The following ABL1 variants were observed in gnomAD, a reference collection of about 807,000 sequenced individuals.
The protein encoded by ABL1 is tyrosine-protein kinase ABL1.
In ABL1, 11 loss-of-function variants were observed where a neutral mutation model predicts 94.7. That is an observed-to-expected ratio of 0.12 (90% CI 0.07 to 0.19). The LOEUF is 0.19. ABL1 is among the 10% of genes least tolerant of loss of function. ABL1 has a pLI of 1.00. For missense variants in ABL1, 1,082 were observed against 1,489.4 expected (o/e 0.73, Z 4.50); for synonymous variants, 656 against 622.4 (o/e 1.05, Z -0.80).
At chr9:130,815,851 C>G (rs1032014802) in intron 1 of ABL1, among the ~76,000 whole-genome samples, 38 of 151,952 alleles carry the variant, frequency 2.5e-4, no homozygotes, top group African/African-American at 8.4e-4. Flanking sequence ...GTGAAACCCC[C>G]TCTCTACTAA....
intron 7 of ABL1, among the ~76,000 whole-genome samples, chr9:130,876,560 GGTGCCT>G (rs1393763146): frequency 6.6e-6 from 1 of 151,336 alleles, no homozygotes; most frequent in Non-Finnish European, 1.5e-5. Flanking sequence ...TGGGATTACA[GGTGCCT>G]GCCACCACGC....
At chr9:130,855,585 C>T (rs766441785) in intron 3 of ABL1, among the ~76,000 whole-genome samples, 1 of 152,098 alleles carries the variant, frequency 6.6e-6, no homozygotes, top group Non-Finnish European at 1.5e-5. Context: ...CGTGCATACA[C>T]GCATGCAGTT....
In ABL1 at chr9:130,886,747, GTTC is replaced by G. The variant is rs998295383; in HGVS notation, c.*1067_*1069del. On this transcript the variant is annotated 3_prime_UTR_variant, in exon 11 of 11. Transcript: ENST00000318560. ...AACAAGACAGCCTTCACTTTTCTGA[GTTC>G]TTGAAGCATTTCAAAGCCCTGCCTC... 10 of 233,614 alleles carry G rather than the reference GTTC, an allele frequency of 4.3e-5. No individual in the cohort carries two copies. Among genetic ancestry groups the G allele is most frequent in the African/African-American group, 2.2e-4 (10 of 45,466 alleles). The allele number at this position is 233,614 out of a possible 1,614,324, so 14.5% of individuals were successfully genotyped here.
At chr9:130,718,619 G>T (rs888530199) in intron 1 of ABL1, among the ~76,000 whole-genome samples, 1 of 152,152 alleles carries the variant, frequency 6.6e-6, no homozygotes, top group African/African-American at 2.4e-5. Context: ...TGTGGCTTAT[G>T]CCTGTAATTT....
intron 1 of ABL1, among the ~76,000 whole-genome samples, chr9:130,815,020 T>A (rs35159487): frequency 0.028 from 4,230 of 152,142 alleles, 201 homozygotes; most frequent in African/African-American, 0.096. Context: ...CTCCTCTGTC[T>A]GACTTAAAGT....
intron 1 of ABL1, among the ~76,000 whole-genome samples, chr9:130,738,406 C>A (rs7020891): frequency 1.3e-5 from 2 of 151,964 alleles, no homozygotes; most frequent in East Asian, 3.9e-4. Flanking sequence ...TAAGAACTTA[C>A]TAGCAATCCG....
intron 1 of ABL1, among the ~76,000 whole-genome samples, chr9:130,764,526 G>A (rs182716686): frequency 3.3e-5 from 5 of 152,272 alleles, no homozygotes; most frequent in South Asian, 4.1e-4. Context: ...ATATGCATTC[G>A]ATAAACCTGG....
chr9:130,822,731 A>T (rs769123045), intron 1 of ABL1, among the ~76,000 whole-genome samples: 2 of 148,850 alleles, frequency 1.3e-5, no homozygotes, highest in African/African-American at 5.0e-5. Flanking sequence ...TCTTTTGCCT[A>T]TTTTTTTTTA....
At chr9:130,838,178 C>G (rs1034775489) in intron 1 of ABL1, among the ~76,000 whole-genome samples, 4 of 152,138 alleles carry the variant, frequency 2.6e-5, no homozygotes, top group African/African-American at 9.7e-5. Flanking sequence ...GGTAACTTGT[C>G]TAGGGTCACA....
In ABL1 at chr9:130,884,093, C is replaced by A. The variant is rs780716188; in HGVS notation, c.1803C>A (p.Ser601Arg). 1 of 1,613,882 alleles carries A rather than the reference C, an allele frequency of 6.2e-7. No homozygotes were observed. The highest frequency in any genetic ancestry group is 8.5e-7 in the Non-Finnish European group (1 of 1,180,044). ...AAGACAAAAAGACCAACTTGTTCAG[C>A]GCCTTGATCAAGAAGAAGAAGAAGA... ...LPKDKKTNLF[S>R]ALIKKKKKTA... The change falls in exon 11 of 11, where the codon AGC (serine) becomes AGA (arginine). Residue 601 changes from serine to arginine, a missense_variant. This residue lies in a region of ABL1 where 780 missense variants were observed against 835.8 expected (regional missense o/e 0.93). Coordinates refer to ENST00000318560, the MANE Select transcript of ABL1 (RefSeq NM_005157.6). This position sits in a 1 kb window ranked among gnomAD's most constrained non-coding sequence, Gnocchi z 5.6.
intron 1 of ABL1, among the ~76,000 whole-genome samples, chr9:130,717,501 C>T (rs181599755): frequency 5.9e-5 from 9 of 151,300 alleles, no homozygotes; most frequent in African/African-American, 4.9e-5. Context: ...GTCAGGAGTT[C>T]GAACCCAGCT....
intron 1 of ABL1, among the ~76,000 whole-genome samples, chr9:130,734,451 G>A (rs369914679): frequency 2.7e-5 from 4 of 150,884 alleles, no homozygotes; most frequent in East Asian, 2.0e-4. Flanking sequence ...TCCTGACCTC[G>A]TGATCCGCCC....
intron 1 of ABL1, among the ~76,000 whole-genome samples, chr9:130,724,195 G>C (rs1014428913): frequency 2.0e-5 from 3 of 152,102 alleles, no homozygotes; most frequent in Non-Finnish European, 2.9e-5. Context: ...CTGCAGCCTC[G>C]AACTCCTCAA....
At chr9:130,839,876 ACAGGCAGGCAGCTCCCGAGCCAGC>A (rs1830644262) in intron 1 of ABL1, among the ~76,000 whole-genome samples, 2 of 152,132 alleles carry the variant, frequency 1.3e-5, no homozygotes, top group Admixed American at 1.3e-4. Flanking sequence ...ATTCTTCTGC[ACAGGCAGGCAGCTCCCGAGCCAGC>A]CAGTCTGGAC....
At chr9:130,727,662 A>T (rs1831603712) in intron 1 of ABL1, among the ~76,000 whole-genome samples, 3 of 150,554 alleles carry the variant, frequency 2.0e-5, no homozygotes, top group Non-Finnish European at 2.9e-5. Context: ...AGGCTGAGGC[A>T]GGATAATCCC....
At chr9:130,810,817 G>A (rs1830199898) in intron 1 of ABL1, among the ~76,000 whole-genome samples, 1 of 151,922 alleles carries the variant, frequency 6.6e-6, no homozygotes, top group African/African-American at 2.4e-5. Flanking sequence ...ACAGATCCAA[G>A]AATTTCAAGG....
chr9:130,871,302 G>A (rs137997453), intron 4 of ABL1, among the ~76,000 whole-genome samples: 3 of 152,322 alleles, frequency 2.0e-5, no homozygotes, highest in Non-Finnish European at 2.9e-5. Context: ...TGTGTCATGG[G>A]GCTCTCCCCA....
intron 1 of ABL1, among the ~76,000 whole-genome samples, chr9:130,798,691 G>A (rs192627739): frequency 1.3e-5 from 2 of 152,200 alleles, no homozygotes; most frequent in African/African-American, 2.4e-5. Context: ...AGGGGGGGCC[G>A]GGCATGGTGA....
At chr9:130,760,943 CTTTT>C (rs35842480) in intron 1 of ABL1, among the ~76,000 whole-genome samples, 1 of 85,258 alleles carries the variant, frequency 1.2e-5, no homozygotes, top group Non-Finnish European at 2.0e-5. Flanking sequence ...CCCGCCCCTG[CTTTT>C]TTTTTTTTTT....
Sources: gnomAD v4.1 joint callset for allele counts (sites outside exome capture counted in the v4.1 genomes callset) on GRCh38, gnomAD v4.1.1 for gene constraint, gnomAD v4.1.1 regional missense constraint, Gnocchi (gnomAD v3.1) non-coding constraint, MANE v1.5 for transcripts, NCBI Gene and HGNC (gene_info 2026-07-23, HGNC 2026-07-21) for gene names.